Variants in EDN3 observed in about 807,000 individuals in gnomAD.
The protein encoded by EDN3 is endothelin-3.
EDN3 carries 9 observed loss-of-function variants against 21.4 expected under a neutral mutation model. That is an observed-to-expected ratio of 0.42 (90% CI 0.25 to 0.73). The LOEUF (loss-of-function observed/expected upper bound fraction) is 0.73, where lower values mean the gene tolerates loss of function less well. EDN3 is among the 30% of genes least tolerant of loss of function. The probability of loss-of-function intolerance (pLI) is 0.26; values close to 1 mark genes in which losing one functional copy is unlikely to be tolerated. For synonymous variants in EDN3, 133 were observed against 126.2 expected, an observed-to-expected ratio of 1.05 and a Z score of -0.36; for missense variants, 327 against 309.4, an observed-to-expected ratio of 1.06 and a Z score of -0.43.
At chr20:59,321,318 G>C in intron 3 of EDN3, 125 bp downstream of exon 3, 1 of 1,165,540 alleles carries the variant, frequency 8.6e-7, no homozygotes, top group Non-Finnish European at 1.3e-6. Flanking sequence ...CTGTCGTCCT[G>C]TGGGCCAGAG....
At position 59,324,602 on chromosome 20, in the gene EDN3, C is replaced by G. The variant is rs71321536; in HGVS notation, c.*143C>G. The G allele has an allele frequency of 3.5e-4, 383 of 1,107,216 alleles. 1 individual carries two copies. Among genetic ancestry groups the G allele is most frequent in the Middle Eastern group, 2.0e-3 (7 of 3,426 alleles). The allele number at this position is 1,107,216 out of a possible 1,614,324, so 68.6% of individuals were successfully genotyped here. ...AAAGAGTCCCCACTTAACAATACCC[C>G]CCCCCCACGGCAAGAATGCCCAAAT... On this transcript the variant is annotated 3_prime_UTR_variant, in exon 5 of 5. Coordinates refer to ENST00000337938, the MANE Select transcript of EDN3 (RefSeq NM_207034.3).
intron 2 of EDN3, among the ~76,000 whole-genome samples, chr20:59,314,718 G>A (rs1340339226): frequency 6.6e-6 from 1 of 152,146 alleles, no homozygotes; most frequent in Non-Finnish European, 1.5e-5. Context: ...ACAATGGAAG[G>A]CGGATAATTC....
intron 2 of EDN3, among the ~76,000 whole-genome samples, chr20:59,306,380 T>C (rs1215180802): frequency 6.6e-6 from 1 of 151,888 alleles, no homozygotes; most frequent in Non-Finnish European, 1.5e-5. Context: ...AGCCAGGAGG[T>C]GCTGTTGCCT....
intron 2 of EDN3, 80 bp downstream of exon 2, chr20:59,301,802 AC>A: frequency 6.7e-7 from 1 of 1,495,784 alleles, no homozygotes; most frequent in Non-Finnish European, 9.3e-7. Flanking sequence ...ACCTCACTCC[AC>A]CCCAGCCCCG....
In EDN3 at chr20:59,312,897, G is replaced by A. The variant is rs556394589; in HGVS notation, c.366-8120G>A. Among the ~76,000 whole-genome samples the A allele has an allele frequency of 3.9e-5, 6 of 152,292 alleles. No homozygotes were observed. In the South Asian group the frequency reaches 1.2e-3, roughly 32 times the overall value. The stretch of plus-strand genomic sequence containing the variant: ...CTTTCCTGTGAATGAGTCATCCTTG[G>A]GACTAGAAGCCTGGGTCTTCCAGCT... On this transcript the variant is annotated intron_variant, in intron 2 of 4. Transcript: ENST00000337938.
intron 2 of EDN3, among the ~76,000 whole-genome samples, chr20:59,320,342 G>A (rs1600754584): frequency 1.3e-5 from 2 of 152,240 alleles, no homozygotes; most frequent in Admixed American, 1.3e-4. Flanking sequence ...ACAAACTGCT[G>A]TGCACATGGA....
At chr20:59,303,107 A>G (rs1989161471) in intron 2 of EDN3, among the ~76,000 whole-genome samples, 1 of 152,216 alleles carries the variant, frequency 6.6e-6, no homozygotes, top group Non-Finnish European at 1.5e-5. Context: ...GGCTCGGCTT[A>G]AAGTCCTGCT....
intron 2 of EDN3, among the ~76,000 whole-genome samples, chr20:59,304,151 T>C (rs1404138510): frequency 6.6e-6 from 1 of 151,890 alleles, no homozygotes; most frequent in African/African-American, 2.4e-5. Flanking sequence ...TGAAACTCTG[T>C]AGATGTGTAG....
At chr20:59,315,332 C>T (rs1990107235) in intron 2 of EDN3, among the ~76,000 whole-genome samples, 1 of 152,284 alleles carries the variant, frequency 6.6e-6, no homozygotes, top group Non-Finnish European at 1.5e-5. Context: ...TTCTCCTCCT[C>T]TTGGCCACAG....
chr20:59,314,276 C>T (rs183708235), intron 2 of EDN3, among the ~76,000 whole-genome samples: 1 of 152,320 alleles, frequency 6.6e-6, no homozygotes, highest in African/African-American at 2.4e-5. Context: ...TCCTTGTCCT[C>T]AACAGCTGGG....
chr20:59,301,605 A>C lies in EDN3; in HGVS notation c.248A>C (p.Gln83Pro). The change falls in exon 2 of 5, where the codon CAG becomes CCG. Residue 83 changes from glutamine to proline, a missense_variant. By Grantham distance (76) the Gln-to-Pro change is moderately conservative. Transcript: ENST00000337938. ...GPSPGSPGQE[Q>P]AAEGAPEHHR... ...AGCCCTGGAAGCCCTGGGCAGGAGCAGGCGGCCGAGGGGGCCCCTGAGCAC... is the reference window on the plus strand; with the variant it reads ...AGCCCTGGAAGCCCTGGGCAGGAGCCGGCGGCCGAGGGGGCCCCTGAGCAC... 1 of 1,614,070 alleles carries C rather than the reference A, an allele frequency of 6.2e-7. No homozygotes were observed. The highest frequency in any genetic ancestry group is 2.2e-5 in the East Asian group (1 of 44,882).
chr20:59,317,064 G>A (rs1472243864), intron 2 of EDN3, among the ~76,000 whole-genome samples: 1 of 152,236 alleles, frequency 6.6e-6, no homozygotes, highest in Non-Finnish European at 1.5e-5. Context: ...GGCAGGGCAT[G>A]CTGGTCAAAG....
intron 2 of EDN3, among the ~76,000 whole-genome samples, chr20:59,308,268 T>C (rs1185005660): frequency 6.6e-6 from 1 of 152,124 alleles, no homozygotes; most frequent in African/African-American, 2.4e-5. Context: ...TGGTGCAGGA[T>C]TTTTCTTTTC....
At chr20:59,308,321 G>T (rs2146837378) in intron 2 of EDN3, among the ~76,000 whole-genome samples, 1 of 152,294 alleles carries the variant, frequency 6.6e-6, no homozygotes, top group South Asian at 2.1e-4. Context: ...TTGCTTCTTG[G>T]TGTGGTTACG....
At chr20:59,306,595 T>TA (rs57144708) in intron 2 of EDN3, among the ~76,000 whole-genome samples, 1,731 of 62,374 alleles carry the variant, frequency 0.028, 62 homozygotes, top group African/African-American at 0.097. Flanking sequence ...GCATAAAGAG[T>TA]AAAAAAAAAA....
At chr20:59,323,116 TG>T (rs1990648053) in intron 4 of EDN3, among the ~76,000 whole-genome samples, 1 of 152,156 alleles carries the variant, frequency 6.6e-6, no homozygotes. Flanking sequence ...CTACAGAGAC[TG>T]ATCGAGGGAA....
intron 4 of EDN3, among the ~76,000 whole-genome samples, chr20:59,323,372 A>T (rs533185893): frequency 3.3e-5 from 5 of 152,160 alleles, no homozygotes; most frequent in Admixed American, 6.5e-5. Context: ...CGAGGGCGGG[A>T]TGTAATTAAA....
chr20:59,313,536 G>T (rs1057185282), intron 2 of EDN3, among the ~76,000 whole-genome samples: 2 of 152,038 alleles, frequency 1.3e-5, no homozygotes, highest in African/African-American at 4.8e-5. Context: ...AAAGGAGGGG[G>T]ATAGAGTAAT....
At chr20:59,314,905 G>A (rs914076537) in intron 2 of EDN3, among the ~76,000 whole-genome samples, 1 of 152,216 alleles carries the variant, frequency 6.6e-6, no homozygotes, top group Non-Finnish European at 1.5e-5. Context: ...GATGTTTGCT[G>A]AAGCAAAGGG....
Sources: gnomAD v4.1 joint callset for allele counts (sites outside exome capture counted in the v4.1 genomes callset) on GRCh38, gnomAD v4.1.1 for gene constraint, MANE v1.5 for transcripts, NCBI Gene and HGNC (gene_info 2026-07-23, HGNC 2026-07-21) for gene names.